MATN2: variants seen among roughly 807,000 people sequenced by gnomAD.
MATN2 encodes matrilin 2.
MATN2 carries 69 observed loss-of-function variants against 103.2 expected under a neutral mutation model. That is an observed-to-expected ratio of 0.67 (90% confidence interval 0.55 to 0.82). The LOEUF (loss-of-function observed/expected upper bound fraction) is 0.82. MATN2 is among the 40% of genes least tolerant of loss of function. MATN2 has a pLI of 0.00. For missense variants in MATN2, 1,023 were observed against 1,211.5 expected (o/e 0.84, Z 2.31); for synonymous variants, 429 against 450.2 (o/e 0.95, Z 0.60).
intron 10 of MATN2, among the ~76,000 whole-genome samples, chr8:98,010,016 T>C (rs1175101186): frequency 3.9e-5 from 6 of 152,220 alleles, no homozygotes; most frequent in Non-Finnish European, 7.3e-5. Flanking sequence ...CCCCGCTTGA[T>C]AACCTTCAGT....
intron 6 of MATN2, among the ~76,000 whole-genome samples, chr8:97,981,220 T>C (rs1812010115): frequency 6.6e-6 from 1 of 151,208 alleles, no homozygotes; most frequent in Non-Finnish European, 1.5e-5. Context: ...ATGATGTGGG[T>C]TTCAAAGACT....
chr8:97,953,477 C>T (rs1811031396), intron 4 of MATN2, among the ~76,000 whole-genome samples: 1 of 152,162 alleles, frequency 6.6e-6, no homozygotes, highest in African/African-American at 2.4e-5. Flanking sequence ...CCTGTCTCTA[C>T]AAATAATACA....
At chr8:98,009,462 G>A (rs1248770025) in intron 10 of MATN2, among the ~76,000 whole-genome samples, 5 of 152,198 alleles carry the variant, frequency 3.3e-5, no homozygotes, top group Non-Finnish European at 2.9e-5. Flanking sequence ...TCTTTATAGA[G>A]GCAGCCTCCA....
At chr8:97,871,382 C>T (rs181908641) in intron 1 of MATN2, among the ~76,000 whole-genome samples, 7 of 152,276 alleles carry the variant, frequency 4.6e-5, no homozygotes, top group Admixed American at 2.0e-4. Flanking sequence ...ACAGGTCTAA[C>T]GCTGGCCTGA....
At chr8:97,964,523 C>T (rs1007477094) in intron 5 of MATN2, among the ~76,000 whole-genome samples, 1 of 150,740 alleles carries the variant, frequency 6.6e-6, no homozygotes, top group South Asian at 2.1e-4. Flanking sequence ...TTTGCAGCCT[C>T]GACCTCCTGG....
intron 7 of MATN2, among the ~76,000 whole-genome samples, chr8:98,003,282 AC>A (rs1333273041): frequency 6.6e-6 from 1 of 151,288 alleles, no homozygotes; most frequent in Non-Finnish European, 1.5e-5. Flanking sequence ...GAGCTCCCTT[AC>A]CTATGGAACT....
At position 98,035,806 on chromosome 8, in the gene MATN2, T is replaced by C; in HGVS notation, c.*94T>C. On this transcript the variant is annotated 3_prime_UTR_variant, in exon 19 of 19. Transcript: ENST00000254898. Reference sequence around the variant, plus strand: ...AAAGCTCAGGCTATTGTTAAATCAATAATGTTGTGAAGTAAAACAATCAGT... The same window carrying C: ...AAAGCTCAGGCTATTGTTAAATCAACAATGTTGTGAAGTAAAACAATCAGT... The C allele has an allele frequency of 1.4e-6, 1 of 736,456 alleles. No homozygotes were observed. The highest frequency in any genetic ancestry group is 2.1e-6 in the Non-Finnish European group (1 of 468,248). The allele number at this position is 736,456 out of a possible 1,614,324, so 45.6% of individuals were successfully genotyped here.
chr8:97,934,527 A>G (rs1263567476), intron 3 of MATN2, among the ~76,000 whole-genome samples: 1 of 152,234 alleles, frequency 6.6e-6, no homozygotes, highest in Non-Finnish European at 1.5e-5. Flanking sequence ...TTAAACATTC[A>G]TTGAACCTGT....
At chr8:97,915,853 G>A (rs1809609511) in intron 2 of MATN2, among the ~76,000 whole-genome samples, 1 of 152,002 alleles carries the variant, frequency 6.6e-6, no homozygotes, top group African/African-American at 2.4e-5. Context: ...TGTATTGAGG[G>A]ATGGTTGTGT....
At chr8:97,907,000 T>C (rs1241138267) in intron 2 of MATN2, among the ~76,000 whole-genome samples, 1 of 147,308 alleles carries the variant, frequency 6.8e-6, no homozygotes, top group East Asian at 2.0e-4. Context: ...TAGCTGACTT[T>C]TTTTTTTTTT....
At chr8:98,016,052 T>G (rs541780856) in intron 10 of MATN2, among the ~76,000 whole-genome samples, 1 of 152,240 alleles carries the variant, frequency 6.6e-6, no homozygotes, top group South Asian at 2.1e-4. Context: ...TGTATTCTCA[T>G]GTTTTTTGTT....
chr8:97,978,996 A>C lies in MATN2; in HGVS notation c.1069A>C (p.Lys357Gln), dbSNP rs1811937243. 4 of 1,610,860 alleles carry C rather than the reference A, an allele frequency of 2.5e-6. No homozygotes were observed. The highest frequency in any genetic ancestry group is 3.4e-5 in the Admixed American group (2 of 59,298). Reference sequence around the variant, plus strand: ...AGGATTTGCTCTTAACCCAGATAAAAAAACGTGCACAAGTAAGTTACACAC... The same window carrying C: ...AGGATTTGCTCTTAACCCAGATAAACAAACGTGCACAAGTAAGTTACACAC... ...HEGFALNPDK[K>Q]TCTKIDYCAS... Residue 357 changes from lysine (K) to glutamine (Q), a missense_variant, in exon 6 of 19, where the codon AAA (lysine) becomes CAA (glutamine). Transcript: ENST00000254898.
chr8:98,027,633 A>T lies in MATN2; in HGVS notation c.2160A>T (p.Lys720Asn). The change falls in exon 14 of 19, where the codon AAA (lysine) becomes AAT (asparagine). Residue 720 changes from lysine to asparagine, a missense_variant. By Grantham distance (94) the Lys-to-Asn change is moderately conservative. Coordinates refer to ENST00000254898, the MANE Select transcript of MATN2 (RefSeq NM_002380.5). The part of the protein sequence containing the change: ...RNFNSAKDMK[K>N]AVAHMKYMGK... ...TCAACTCAGCCAAAGACATGAAAAA[A>T]GCCGTGGCCCACATGAAATACATGG... is the stretch of plus-strand genomic sequence containing the variant. 4 of 1,613,718 alleles carry T rather than the reference A, an allele frequency of 2.5e-6. No individual in the cohort carries two copies. The highest frequency in any genetic ancestry group is 3.4e-6 in the Non-Finnish European group (4 of 1,179,726).
At chr8:97,987,167 A>G (rs1018693549) in intron 6 of MATN2, among the ~76,000 whole-genome samples, 1 of 152,078 alleles carries the variant, frequency 6.6e-6, no homozygotes, top group African/African-American at 2.4e-5. Context: ...AGGAATCTCT[A>G]CATTGCTTTC....
At chr8:97,947,004 C>G (rs1431822250) in intron 4 of MATN2, among the ~76,000 whole-genome samples, 1 of 152,148 alleles carries the variant, frequency 6.6e-6, no homozygotes, top group African/African-American at 2.4e-5. Flanking sequence ...ATAGAAAGAA[C>G]AATACATCAA....
rs142273364 is a variant in MATN2 at position 97,943,501 on chromosome 8, T to A, written c.835+1602T>A. 2.3e-4 allele frequency among the ~76,000 whole-genome samples: 35 copies of A among 151,996 alleles called. No individual in the cohort carries two copies. In the East Asian group the frequency reaches 6.6e-3, roughly 29 times the overall value. On this transcript the variant is annotated intron_variant, in intron 4 of 18. Transcript: ENST00000254898. ...TTTCCTTTGTTTTTTTAAGACAGGG[T>A]CTTGCTCTGTCGTCCAGGCTGTAGT...
chr8:98,028,306 T>G (rs889382478), intron 14 of MATN2, among the ~76,000 whole-genome samples: 6 of 152,210 alleles, frequency 3.9e-5, no homozygotes, highest in African/African-American at 1.4e-4. Flanking sequence ...GATAATACTC[T>G]TGTGTTTCCA....
chr8:97,939,210 A>G (rs1810474062), intron 3 of MATN2, among the ~76,000 whole-genome samples: 1 of 152,136 alleles, frequency 6.6e-6, no homozygotes, highest in Non-Finnish European at 1.5e-5. Context: ...CCATTGATTC[A>G]TTAACATCAG....
chr8:98,007,474 T>C lies in MATN2; in HGVS notation c.1451-5T>C, dbSNP rs767805339. 4.3e-6 allele frequency: 7 copies of C among 1,609,672 alleles called. No homozygotes were observed. In the East Asian group the frequency reaches 8.9e-5, roughly 21 times the overall value. Reference sequence around the variant, plus strand: ...TAAAGGGCTGCCTGGCTTTTGGTTTTGCAGGGGTGGATTACTGCCTGCTGA... The same window carrying C: ...TAAAGGGCTGCCTGGCTTTTGGTTTCGCAGGGGTGGATTACTGCCTGCTGA... On this transcript the variant is annotated splice_polypyrimidine_tract_variant and splice_region_variant and intron_variant, in intron 9 of 18. Coordinates refer to ENST00000254898, the MANE Select transcript of MATN2 (RefSeq NM_002380.5). This position sits in a 1 kb window ranked among gnomAD's most constrained non-coding sequence, Gnocchi z 4.2.
Sources: gnomAD v4.1 joint callset for allele counts (sites outside exome capture counted in the v4.1 genomes callset) on GRCh38, gnomAD v4.1.1 for gene constraint, Gnocchi (gnomAD v3.1) non-coding constraint, MANE v1.5 for transcripts, NCBI Gene and HGNC (gene_info 2026-07-23, HGNC 2026-07-21) for gene names.